ADAMTS16: variants seen among roughly 807,000 people sequenced by gnomAD.
ADAMTS16 encodes A disintegrin and metalloproteinase with thrombospondin motifs 16.
A neutral mutation model predicts 145.8 loss-of-function variants in ADAMTS16; 94 were observed. The ratio of observed to expected loss-of-function variants is 0.64; its 90% CI spans 0.55 to 0.77. The LOEUF (loss-of-function observed/expected upper bound fraction) is 0.77. Among genes scored for constraint, ADAMTS16 ranks in the 30% least tolerant of loss-of-function variants. The pLI is 0.00. For synonymous variants in ADAMTS16, 659 were observed against 604.3 expected, an observed-to-expected ratio of 1.09 and a Z score of -1.33; for missense variants, 1,585 against 1,591.5, an observed-to-expected ratio of 1.00 and a Z score of 0.07.
intron 9 of ADAMTS16, among the ~76,000 whole-genome samples, chr5:5,201,188 C>A (rs1204985400): frequency 2.6e-5 from 4 of 152,074 alleles, no homozygotes; most frequent in Non-Finnish European, 5.9e-5. Flanking sequence ...AGAGAGAGCA[C>A]AGGAGGGTGT....
At chr5:5,240,164 G>A (rs1284087170) in intron 16 of ADAMTS16, among the ~76,000 whole-genome samples, 1 of 152,192 alleles carries the variant, frequency 6.6e-6, no homozygotes, top group Non-Finnish European at 1.5e-5. Flanking sequence ...AGCAGTAGGT[G>A]TTTGCAGAAG....
chr5:5,146,547 T>C, intron 3 of ADAMTS16, 92 bp downstream of exon 3: 9 of 1,330,882 alleles, frequency 6.8e-6, no homozygotes, highest in Admixed American at 2.2e-5. Context: ...TTCGCATAGA[T>C]GTTCTTCTAG....
intron 10 of ADAMTS16, among the ~76,000 whole-genome samples, chr5:5,213,302 C>T (rs1053148444): frequency 1.3e-5 from 2 of 152,156 alleles, no homozygotes; most frequent in African/African-American, 2.4e-5. Context: ...TATTCTAGCA[C>T]GTATCTGCTA....
intron 11 of ADAMTS16, among the ~76,000 whole-genome samples, chr5:5,230,016 T>C (rs376944797): frequency 6.6e-6 from 1 of 152,206 alleles, no homozygotes. Flanking sequence ...TCTGTGTGCA[T>C]ATACATGAAG....
chr5:5,303,247 G>C, intron 18 of ADAMTS16, 21 bp from the exon 19 acceptor site: 2 of 1,523,402 alleles, frequency 1.3e-6, no homozygotes, highest in Non-Finnish European at 1.8e-6. Context: ...CCCTCACCGA[G>C]GTCTCTTTGT....
rs781092819 is a variant in ADAMTS16 at position 5,306,613 on chromosome 5, C to T, written c.3296C>T (p.Pro1099Leu). 36 of 1,614,054 alleles carry T rather than the reference C, an allele frequency of 2.2e-5. No homozygotes were observed. Among genetic ancestry groups the T allele is most frequent in the African/African-American group, 5.3e-5 (4 of 74,920 alleles). ...GCCTCAAAGAAGTGCTCACATTTGCCGAAGCCCAGCCTGGAGCTGGAACGT... is the reference window on the plus strand; with the variant it reads ...GCCTCAAAGAAGTGCTCACATTTGCTGAAGCCCAGCCTGGAGCTGGAACGT... Reference protein sequence around the residue: ...ELASKKCSHLPKPSLELERAC... With the variant: ...ELASKKCSHLLKPSLELERAC... The change falls in exon 21 of 23, where the codon CCG becomes CTG. Residue 1099 changes from proline to leucine, a missense_variant. By Grantham distance (98) the Pro-to-Leu change is moderately conservative. Coordinates refer to ENST00000274181, the MANE Select transcript of ADAMTS16 (RefSeq NM_139056.4).
intron 14 of ADAMTS16, among the ~76,000 whole-genome samples, chr5:5,238,138 G>A (rs767596185): frequency 6.6e-6 from 1 of 152,104 alleles, no homozygotes; most frequent in Non-Finnish European, 1.5e-5. Flanking sequence ...TACCTCAGCT[G>A]TACAGTCCTC....
In ADAMTS16 at chr5:5,146,252, C is replaced by T. The variant is rs199987714; in HGVS notation, c.298C>T (p.Arg100Trp). 1.3e-3 allele frequency: 2,023 copies of T among 1,614,166 alleles called. 1 individual carries two copies. Among genetic ancestry groups the T allele is most frequent in the Non-Finnish European group, 1.4e-3 (1,641 of 1,180,030 alleles). ...GTCCGAGGTTGAGTCTCTTCACCTT[C>T]GGCTGAAAGGCTCCAGGCACGACTT... ...PVSEVESLHL[R>W]LKGSRHDFHM... is the part of the protein sequence containing the mutation. The change falls in exon 3 of 23, where the codon CGG becomes TGG. Residue 100 changes from arginine to tryptophan, a missense_variant. By Grantham distance (101) the Arg-to-Trp change is moderately radical. This residue lies in a region of ADAMTS16 where 453 missense variants were observed against 412.1 expected (regional missense o/e 1.10). Coordinates refer to ENST00000274181, the MANE Select transcript of ADAMTS16 (RefSeq NM_139056.4).
chr5:5,230,949 C>T (rs187387369), intron 11 of ADAMTS16, among the ~76,000 whole-genome samples: 19 of 152,266 alleles, frequency 1.2e-4, no homozygotes, highest in Admixed American at 1.2e-3. Context: ...TGTTGAAATT[C>T]CATTTTTATG....
rs190314719 is a variant in ADAMTS16, at chr5:5,238,367, A to G, written c.2155-784A>G. On this transcript the variant is annotated intron_variant, in intron 14 of 22. Transcript: ENST00000274181. ...ACTTACTGTAAATCTGTAGGGTTTT[A>G]CTATAGAAACATTAATTAGTTAATT... 1.5e-3 allele frequency among the ~76,000 whole-genome samples: 224 copies of G among 152,318 alleles called. 6 individuals are homozygous for G. Among genetic ancestry groups the G allele is most frequent in the Non-Finnish European group, 4.0e-4 (27 of 68,030 alleles).
At chr5:5,164,029 G>A (rs1734802485) in intron 3 of ADAMTS16, among the ~76,000 whole-genome samples, 1 of 152,198 alleles carries the variant, frequency 6.6e-6, no homozygotes, top group Non-Finnish European at 1.5e-5. Flanking sequence ...CACACCGGCT[G>A]AGGCAGAATA....
chr5:5,176,609 A>G (rs1047709701), intron 3 of ADAMTS16, among the ~76,000 whole-genome samples: 2 of 152,186 alleles, frequency 1.3e-5, no homozygotes, highest in Non-Finnish European at 2.9e-5. Context: ...TTAACGTACA[A>G]AAAAAATCAC....
intron 3 of ADAMTS16, among the ~76,000 whole-genome samples, chr5:5,166,532 G>T (rs1397488075): frequency 6.6e-6 from 1 of 152,202 alleles, no homozygotes; most frequent in Non-Finnish European, 1.5e-5. Flanking sequence ...CTTCCTGCGG[G>T]AGTCCTGGGC....
chr5:5,267,543 T>C (rs1263406740), intron 18 of ADAMTS16, among the ~76,000 whole-genome samples: 2 of 152,134 alleles, frequency 1.3e-5, no homozygotes, highest in East Asian at 1.9e-4. Flanking sequence ...AGACAAACTC[T>C]GGTTGATGGC....
intron 18 of ADAMTS16, among the ~76,000 whole-genome samples, chr5:5,271,023 A>G (rs1480511941): frequency 2.0e-5 from 3 of 152,206 alleles, no homozygotes; most frequent in African/African-American, 4.8e-5. Flanking sequence ...TTCATGTTCA[A>G]CTTGAAGGAG....
At chr5:5,150,924 T>C (rs1217192847) in intron 3 of ADAMTS16, among the ~76,000 whole-genome samples, 3 of 152,236 alleles carry the variant, frequency 2.0e-5, no homozygotes, top group African/African-American at 7.2e-5. Context: ...TGTTAGTATG[T>C]ATATTTTGGT....
intron 3 of ADAMTS16, among the ~76,000 whole-genome samples, chr5:5,146,758 G>A (rs1734309836): frequency 6.6e-6 from 1 of 152,138 alleles, no homozygotes; most frequent in Non-Finnish European, 1.5e-5. Flanking sequence ...TAGCTTCTTA[G>A]GGGATGTTTT....
Position 5,186,180 on chromosome 5 carries a change from G to C in ADAMTS16, c.892G>C (p.Val298Leu). ...EELNVETLVV[V>L]DKKMMQNHGH... ...ACTGAACGTGGAGACCTTGGTGGTGGTCGACAAAAAGATGATGCAAAACCA... is the reference window on the plus strand; with the variant it reads ...ACTGAACGTGGAGACCTTGGTGGTGCTCGACAAAAAGATGATGCAAAACCA... The change falls in exon 5 of 23, where the codon GTC becomes CTC. Residue 298 changes from valine to leucine, a missense_variant. Coordinates refer to ENST00000274181, the MANE Select transcript of ADAMTS16 (RefSeq NM_139056.4). 6.2e-7 allele frequency: 1 copy of C among 1,613,992 alleles called. No individual in the cohort carries two copies. Among genetic ancestry groups the C allele is most frequent in the Non-Finnish European group, 8.5e-7 (1 of 1,180,012 alleles).
chr5:5,188,700 T>A (rs1735577782), intron 6 of ADAMTS16, among the ~76,000 whole-genome samples: 1 of 152,148 alleles, frequency 6.6e-6, no homozygotes, highest in Non-Finnish European at 1.5e-5. Context: ...CTAAGATGCC[T>A]TCGATGTTAA....
Sources: allele counts gnomAD v4.1 joint callset (sites outside exome capture counted in the v4.1 genomes callset), GRCh38; gene constraint gnomAD v4.1.1; regional missense constraint gnomAD v4.1.1; transcripts MANE v1.5; gene names NCBI Gene and HGNC (gene_info 2026-07-23, HGNC 2026-07-21).